WDR73: variants seen among roughly 807,000 people sequenced by gnomAD.
The protein encoded by WDR73 is integrator complex assembly factor WDR73.
Under a neutral mutation model 38.2 loss-of-function variants are expected in WDR73, and 30 were observed. The ratio of observed to expected loss-of-function variants is 0.79; its 90% CI spans 0.59 to 1.06. The LOEUF (loss-of-function observed/expected upper bound fraction) is 1.06. Ranked by LOEUF, WDR73 falls within the 50% of genes least tolerant of loss-of-function variation. WDR73 has a pLI of 0.00. For synonymous variants in WDR73, 197 were observed against 176.0 expected (o/e 1.12, Z -0.94); for missense variants, 487 against 467.0 (o/e 1.04, Z -0.40).
chr15:84,643,935 G>A (rs1896357368), intron 7 of WDR73: 2 of 514,266 alleles, frequency 3.9e-6, no homozygotes, highest in Non-Finnish European at 6.5e-6. Context: ...TTGTTCTATG[G>A]TACCAAAACA....
chr15:84,645,171 T>C (rs1386628593), intron 7 of WDR73: 1 of 1,236,512 alleles, frequency 8.1e-7, no homozygotes. Context: ...ACTGTCCCCT[T>C]TTCTTTCTGA....
chr15:84,653,801 A>G, intron 1 of WDR73, 102 bp from the exon 2 acceptor site: 5 of 904,760 alleles, frequency 5.5e-6, no homozygotes, highest in East Asian at 2.6e-5. Flanking sequence ...CTCTGGAGTC[A>G]GGCAGACGTG....
At position 84,641,149 on chromosome 15, in the gene WDR73, G is replaced by C. The variant is rs532432777; in HGVS notation, c.*2321C>G. 1 of 150,888 alleles carries C rather than the reference G, an allele frequency of 6.6e-6. No homozygotes were observed. The highest frequency in any genetic ancestry group is 2.1e-4 in the South Asian group (1 of 4,818). 9.3% of individuals were successfully genotyped at this position (150,888 alleles called of 1,614,324 possible). A position where few individuals can be genotyped will look rare whatever the true frequency, so the allele number is the denominator to read the frequency against. On this transcript the variant is annotated 3_prime_UTR_variant, in exon 8 of 8. Coordinates refer to ENST00000434634, the MANE Select transcript of WDR73 (RefSeq NM_032856.5). ...TCCATGTCCCCTCCTGCTTTTCTCTGAGCAGGACTTCCAGTTCCCCAGCCA... is the reference window on the plus strand; with the variant it reads ...TCCATGTCCCCTCCTGCTTTTCTCTCAGCAGGACTTCCAGTTCCCCAGCCA...
chr15:84,652,707 A>C lies in WDR73; in HGVS notation c.198+7T>G, dbSNP rs778513670. 1 of 1,450,278 alleles carries C rather than the reference A, an allele frequency of 6.9e-7. No homozygotes were observed. The highest frequency in any genetic ancestry group is 1.3e-5 in the South Asian group (1 of 75,342). The allele number at this position is 1,450,278 out of a possible 1,614,324, so 89.8% of individuals were successfully genotyped here. A position where few individuals can be genotyped will look rare whatever the true frequency, so the allele number is the denominator to read the frequency against. ...TTGACATACTCAGCATTTATATTTT[A>C]AGTTACCTTGTTTTCCTTTACAGAA... On this transcript the variant is annotated splice_region_variant and intron_variant, in intron 3 of 7. Coordinates refer to ENST00000434634, the MANE Select transcript of WDR73 (RefSeq NM_032856.5).
intron 2 of WDR73, 60 bp from the exon 3 acceptor site, chr15:84,652,862 T>G: frequency 9.8e-7 from 1 of 1,022,428 alleles, no homozygotes; most frequent in South Asian, 1.6e-5. Flanking sequence ...GACCATGCAA[T>G]CCCCCGAAGT....
At chr15:84,648,757 T>G in intron 3 of WDR73, 132 bp from the exon 4 acceptor site, 1 of 693,484 alleles carries the variant, frequency 1.4e-6, no homozygotes, top group Non-Finnish European at 2.5e-6. Flanking sequence ...AGGGCGTTGG[T>G]GTCCTGGTAT....
intron 7 of WDR73, 68 bp downstream of exon 7, chr15:84,645,402 TC>T (rs1362273336): frequency 1.3e-6 from 2 of 1,591,686 alleles, no homozygotes; most frequent in South Asian, 2.3e-5. Context: ...GGAGGCTCCT[TC>T]CTGAGCACCC....
intron 3 of WDR73, among the ~76,000 whole-genome samples, chr15:84,648,970 G>A (rs1237617811): frequency 4.6e-5 from 7 of 152,164 alleles, no homozygotes. Context: ...CCATTCTCCC[G>A]CTGGAAGTCA....
intron 7 of WDR73, 76 bp from the exon 8 acceptor site, chr15:84,643,799 T>G: frequency 2.1e-6 from 3 of 1,441,010 alleles, no homozygotes; most frequent in Non-Finnish European, 1.8e-6. Flanking sequence ...CTATTTTTAA[T>G]AGAGATGGGG....
rs510875 is a variant in WDR73, at chr15:84,643,406, G to T, written c.*64C>A. ...ACTGGTAGTCACTTGAGTCCTACAT[G>T]AGCACCCTTGCTACTACAGCAGCTC... On this transcript the variant is annotated 3_prime_UTR_variant, in exon 8 of 8. Coordinates refer to ENST00000434634, the MANE Select transcript of WDR73 (RefSeq NM_032856.5). 8 of 1,525,236 alleles carry T rather than the reference G, an allele frequency of 5.2e-6. No homozygotes were observed. The highest frequency in any genetic ancestry group is 7.1e-6 in the Non-Finnish European group (8 of 1,133,652). The allele number at this position is 1,525,236 out of a possible 1,614,324, so 94.5% of individuals were successfully genotyped here. A position where few individuals can be genotyped will look rare whatever the true frequency, so the allele number is the denominator to read the frequency against.
chr15:84,639,935 A>G lies in WDR73; in HGVS notation c.*3535T>C, dbSNP rs931737255. ...ACTGCAAAGCCAGGAGCACCTACAC[A>G]CCAGGCACCAGTGTCTTCTATGATG... is the stretch of plus-strand genomic sequence containing the variant. On this transcript the variant is annotated 3_prime_UTR_variant, in exon 8 of 8. Coordinates refer to ENST00000434634, the MANE Select transcript of WDR73 (RefSeq NM_032856.5). 1 of 152,232 alleles carries G rather than the reference A, an allele frequency of 6.6e-6. No homozygotes were observed. Among genetic ancestry groups the G allele is most frequent in the African/African-American group, 2.4e-5 (1 of 41,438 alleles). The allele number at this position is 152,232 out of a possible 1,614,324, so 9.4% of individuals were successfully genotyped here.
intron 1 of WDR73, 120 bp downstream of exon 1, chr15:84,654,114 C>T: frequency 7.3e-7 from 1 of 1,362,780 alleles, no homozygotes; most frequent in Non-Finnish European, 1.0e-6. Flanking sequence ...CGGTGGCGAG[C>T]CCCGAGGCCA....
intron 1 of WDR73, 50 bp from the exon 2 acceptor site, chr15:84,653,749 A>C: frequency 1.0e-4 from 144 of 1,428,266 alleles, no homozygotes; most frequent in Non-Finnish European, 1.3e-4. Flanking sequence ...TTCACAGCTC[A>C]AAGAACTCCA....
intron 7 of WDR73, chr15:84,645,242 C>G: frequency 7.0e-7 from 1 of 1,424,414 alleles, no homozygotes; most frequent in African/African-American, 1.4e-5. Context: ...AACCTGAGAC[C>G]TGAATTCCTG....
intron 7 of WDR73, 163 bp from the exon 8 acceptor site, chr15:84,643,886 G>A: frequency 3.8e-6 from 3 of 785,696 alleles, no homozygotes; most frequent in South Asian, 2.2e-5. Context: ...CAAAATGCTG[G>A]GATTACAGGC....
In WDR73 at chr15:84,652,800, C is replaced by A; in HGVS notation, c.112G>T (p.Val38Phe). The change falls in exon 3 of 8, where the codon GTC becomes TTC. Residue 38 changes from valine (V) to phenylalanine (F), a missense_variant and splice_region_variant. Physicochemically the swap from Val to Phe is conservative, Grantham distance 50. Coordinates refer to ENST00000434634, the MANE Select transcript of WDR73 (RefSeq NM_032856.5). Reference protein sequence around the residue: ...RVLEWIDDKGVFVAGYESLKK... With the variant: ...RVLEWIDDKGFFVAGYESLKK... ...AGGCTTTCATAGCCAGCAACAAAGA[C>A]TCCTGGAAAAAGAAGCAGAGGTAGC... The A allele has an allele frequency of 6.6e-7, 1 of 1,518,268 alleles. No individual in the cohort carries two copies. Among genetic ancestry groups the A allele is most frequent in the South Asian group, 1.3e-5 (1 of 78,016 alleles). 94.0% of individuals were successfully genotyped at this position (1,518,268 alleles called of 1,614,324 possible).
At position 84,643,282 on chromosome 15, in the gene WDR73, A is replaced by G. The variant is rs1335611753; in HGVS notation, c.*188T>C. 1.5e-6 allele frequency: 1 copy of G among 651,102 alleles called. No individual in the cohort carries two copies. Among genetic ancestry groups the G allele is most frequent in the Non-Finnish European group, 2.6e-6 (1 of 387,152 alleles). 40.3% of individuals were successfully genotyped at this position (651,102 alleles called of 1,614,324 possible). ...CGTTTCTTCTAACCTTCGCAATATC[A>G]CTACGAGGTAGTTCTTACTATCCTC... On this transcript the variant is annotated 3_prime_UTR_variant, in exon 8 of 8. Coordinates refer to ENST00000434634, the MANE Select transcript of WDR73 (RefSeq NM_032856.5).
rs1354638728 is a variant in WDR73 at position 84,641,462 on chromosome 15, T to C, written c.*2008A>G. The C allele has an allele frequency of 6.6e-6, 1 of 152,200 alleles. No individual in the cohort carries two copies. The highest frequency in any genetic ancestry group is 2.1e-4 in the South Asian group (1 of 4,818). The allele number at this position is 152,200 out of a possible 1,614,324, so 9.4% of individuals were successfully genotyped here. A position where few individuals can be genotyped will look rare whatever the true frequency, so the allele number is the denominator to read the frequency against. ...CCTGTTCCCCTAAGTAAGTTTGAAC[T>C]TTAGTTACTTGAAAAAAGGTATAAC... On this transcript the variant is annotated 3_prime_UTR_variant, in exon 8 of 8. Coordinates refer to ENST00000434634, the MANE Select transcript of WDR73 (RefSeq NM_032856.5).
chr15:84,648,108 A>C, intron 4 of WDR73, 154 bp from the exon 5 acceptor site: 1 of 697,330 alleles, frequency 1.4e-6, no homozygotes, highest in South Asian at 1.7e-5. Flanking sequence ...TTTCACAGAT[A>C]AGGAGCAGGC....
Sources: gnomAD v4.1 joint callset for allele counts (sites outside exome capture counted in the v4.1 genomes callset) on GRCh38, gnomAD v4.1.1 for gene constraint, MANE v1.5 for transcripts, NCBI Gene and HGNC (gene_info 2026-07-23, HGNC 2026-07-21) for gene names.